BTN3A1: variants seen among roughly 807,000 people sequenced by gnomAD.
The protein encoded by BTN3A1 is dJ45P21.3 (butyrophilin, subfamily 3, member A1).
A neutral mutation model predicts 43.0 loss-of-function variants in BTN3A1; 24 were observed. The ratio of observed to expected loss-of-function variants is 0.56; its 90% CI spans 0.40 to 0.78. The LOEUF (loss-of-function observed/expected upper bound fraction) is 0.78, where lower values mean the gene tolerates loss of function less well. Among genes scored for constraint, BTN3A1 ranks in the 30% least tolerant of loss-of-function variants. BTN3A1 has a pLI of 0.00. For missense variants in BTN3A1, 533 were observed against 626.2 expected, an observed-to-expected ratio of 0.85 and a Z score of 1.59; for synonymous variants, 181 against 234.7, an observed-to-expected ratio of 0.77 and a Z score of 2.09.
chr6:26,407,619 C>G, intron 3 of BTN3A1, 52 bp from the exon 4 acceptor site: 1 of 1,575,296 alleles, frequency 6.3e-7, no homozygotes, highest in Non-Finnish European at 8.7e-7. Context: ...CCTTTTGAGA[C>G]CCTCTCTGAT....
Position 26,410,007 on chromosome 6 carries a change from A to G in BTN3A1, c.939A>G (p.Arg313=). ...STRVKLLEEL[R]WRSIQYASRG... is the part of the protein sequence containing the mutation. ...CTTCCCCTGTTCCTTCCGTTGCAGG[A>G]TGGAGAAGTATCCAGTATGCATCTC... Residue 313 remains arginine (R), a splice_region_variant and synonymous_variant, in exon 7 of 10, where the codon AGA becomes AGG. Transcript: ENST00000289361. 6.2e-7 allele frequency: 1 copy of G among 1,614,102 alleles called. No homozygotes were observed. The highest frequency in any genetic ancestry group is 8.5e-7 in the Non-Finnish European group (1 of 1,180,008).
At chr6:26,412,014 A>G (rs773110819) in intron 9 of BTN3A1, 10 of 218,046 alleles carry the variant, frequency 4.6e-5, no homozygotes, top group Non-Finnish European at 9.0e-5. Context: ...TTTGGCCTCC[A>G]CATATTTAGG....
intron 9 of BTN3A1, chr6:26,412,066 T>G: frequency 4.2e-6 from 1 of 237,766 alleles, no homozygotes; most frequent in South Asian, 9.8e-5. Flanking sequence ...AGGTGAAGAC[T>G]GAAGGAATAA....
chr6:26,407,115 A>T (rs1164435355), intron 3 of BTN3A1, among the ~76,000 whole-genome samples: 2 of 152,194 alleles, frequency 1.3e-5, no homozygotes, highest in Non-Finnish European at 1.5e-5. Flanking sequence ...ACAAAGTGCC[A>T]TCATCTGATG....
chr6:26,411,000 T>TAAAAAAAAAAAAAAAAAAAAA (rs1170183887), intron 7 of BTN3A1, 109 bp from the exon 8 acceptor site: 10 of 359,642 alleles, frequency 2.8e-5, no homozygotes, highest in African/African-American at 9.5e-5. Flanking sequence ...ATACAGGTGG[T>TAAAAAAAAAAAAAAAAAAAAA]AAAAAAAAAA....
rs1440877498 is a variant in BTN3A1, at chr6:26,414,773, A to G, written c.*1081A>G. On this transcript the variant is annotated 3_prime_UTR_variant, in exon 10 of 10. Transcript: ENST00000289361. Reference sequence around the variant, plus strand: ...GCGATCTCAGCTCCCTGCAACCTCCACCTCCTGGGTTCAAACAATTCTCCT... The same window carrying G: ...GCGATCTCAGCTCCCTGCAACCTCCGCCTCCTGGGTTCAAACAATTCTCCT... 1 of 150,714 alleles carries G rather than the reference A, an allele frequency of 6.6e-6. No homozygotes were observed. Among genetic ancestry groups the G allele is most frequent in the Non-Finnish European group, 1.5e-5 (1 of 67,864 alleles). 9.3% of individuals were successfully genotyped at this position (150,714 alleles called of 1,614,324 possible).
In BTN3A1 at chr6:26,407,861, G is replaced by A; in HGVS notation, c.624G>A (p.Val208=). The A allele has an allele frequency of 1.2e-6, 2 of 1,614,232 alleles. No individual in the cohort carries two copies. The highest frequency in any genetic ancestry group is 1.7e-6 in the Non-Finnish European group (2 of 1,180,044). ...GCCTGTATGCAGTAGCAGCATCTGT[G>A]ATCATGAGAGGCAGCTCTGGGGAGG... ...GVGLYAVAAS[V]IMRGSSGEGV... is the part of the protein sequence containing the mutation. Residue 208 remains valine (V), a synonymous_variant, in exon 4 of 10, where the codon GTG becomes GTA. Coordinates refer to ENST00000289361, the MANE Select transcript of BTN3A1 (RefSeq NM_007048.6).
chr6:26,409,644 A>T lies in BTN3A1; in HGVS notation c.827A>T (p.Glu276Val). The T allele has an allele frequency of 6.2e-7, 1 of 1,603,310 alleles. No individual in the cohort carries two copies. Among genetic ancestry groups the T allele is most frequent in the Non-Finnish European group, 8.5e-7 (1 of 1,177,066 alleles). ...AGYFLWQQQE[E>V]KKTQFRKKKR... ...TACTTCCTGTGGCAACAGCAGGAGG[A>T]AAAAAAGACTCAGTTCAGAAAGAAA... Residue 276 changes from glutamate to valine, a missense_variant, in exon 5 of 10, where the codon GAA (glutamate) becomes GTA (valine). By Grantham distance (121) the Glu-to-Val change is moderately radical. This residue lies in a region of BTN3A1 where 415 missense variants were observed against 427.0 expected (regional missense o/e 0.97). Transcript: ENST00000289361.
chr6:26,414,467 G>A lies in BTN3A1; in HGVS notation c.*775G>A, dbSNP rs958354573. On this transcript the variant is annotated 3_prime_UTR_variant, in exon 10 of 10. Coordinates refer to ENST00000289361, the MANE Select transcript of BTN3A1 (RefSeq NM_007048.6). ...GCTCTGCAGAGTGTCTTGGTTGAGA[G>A]AATAACCTCACCGTACCCACATGAC... 3.9e-5 allele frequency: 6 copies of A among 152,376 alleles called. No homozygotes were observed. Among genetic ancestry groups the A allele is most frequent in the African/African-American group, 1.4e-4 (6 of 41,432 alleles). 9.4% of individuals were successfully genotyped at this position (152,376 alleles called of 1,614,324 possible).
intron 3 of BTN3A1, 21 bp from the exon 4 acceptor site, chr6:26,407,650 G>A: frequency 2.5e-6 from 4 of 1,610,960 alleles, no homozygotes; most frequent in Non-Finnish European, 3.4e-6. Flanking sequence ...CAAGAATTTA[G>A]GCTAATTCAT....
chr6:26,408,062 C>T, intron 4 of BTN3A1, 110 bp downstream of exon 4: 2 of 1,514,560 alleles, frequency 1.3e-6, no homozygotes, highest in Admixed American at 2.0e-5. Context: ...AATATAAGGC[C>T]CAAAGCACAG....
intron 9 of BTN3A1, chr6:26,411,822 G>A: frequency 2.0e-6 from 1 of 505,520 alleles, no homozygotes. Context: ...TTCCTGGGAA[G>A]GAAGACATAT....
At chr6:26,406,968 T>C (rs144825718) in intron 3 of BTN3A1, among the ~76,000 whole-genome samples, 3 of 152,300 alleles carry the variant, frequency 2.0e-5, no homozygotes, top group African/African-American at 7.2e-5. Flanking sequence ...AAAGCTGTAA[T>C]TGATGAAGGG....
Position 26,405,422 on chromosome 6 carries a change from T to C in BTN3A1, c.-142T>C. 1 of 725,022 alleles carries C rather than the reference T, an allele frequency of 1.4e-6. No individual in the cohort carries two copies. The highest frequency in any genetic ancestry group is 2.4e-6 in the Non-Finnish European group (1 of 423,744). 44.9% of individuals were successfully genotyped at this position (725,022 alleles called of 1,614,324 possible). ...GGTGAAGACACTGAAGGACAGAATT[T>C]TTGGCAGAGGAAAGATCTTCTTCGG... On this transcript the variant is annotated 5_prime_UTR_variant, in exon 2 of 10. Coordinates refer to ENST00000289361, the MANE Select transcript of BTN3A1 (RefSeq NM_007048.6).
In BTN3A1 at chr6:26,413,774, A is replaced by C; in HGVS notation, c.*82A>C. 1.9e-6 allele frequency: 3 copies of C among 1,602,644 alleles called. No individual in the cohort carries two copies. The highest frequency in any genetic ancestry group is 2.7e-5 in the African/African-American group (2 of 75,030). ...CCAGTAACCCCGGGCTTAGCTAACG[A>C]AAGTGGGGAGCCTCAGGCTGAAGTA... On this transcript the variant is annotated 3_prime_UTR_variant, in exon 10 of 10. Transcript: ENST00000289361.
In BTN3A1 at chr6:26,413,224, C is replaced by G; in HGVS notation, c.1074C>G (p.Asp358Glu). ...TANPILLVSE[D>E]QRSVQRAKEP... ...ACCCCATCCTCCTTGTTTCTGAGGA[C>G]CAGAGGAGTGTGCAGCGTGCCAAGG... Residue 358 changes from aspartate to glutamate, a missense_variant, in exon 10 of 10, where the codon GAC (aspartate) becomes GAG (glutamate). Coordinates refer to ENST00000289361, the MANE Select transcript of BTN3A1 (RefSeq NM_007048.6). 1 of 1,614,152 alleles carries G rather than the reference C, an allele frequency of 6.2e-7. No homozygotes were observed. Among genetic ancestry groups the G allele is most frequent in the Non-Finnish European group, 8.5e-7 (1 of 1,180,020 alleles).
intron 3 of BTN3A1, 130 bp from the exon 4 acceptor site, chr6:26,407,541 C>A (rs565454100): frequency 9.8e-5 from 118 of 1,199,348 alleles, no homozygotes; most frequent in Admixed American, 1.2e-4. Context: ...CTCACTAGGA[C>A]CACACTTTTG....
In BTN3A1 at chr6:26,410,007, A is replaced by C; in HGVS notation, c.939A>C (p.Arg313Ser). 6.2e-7 allele frequency: 1 copy of C among 1,614,102 alleles called. No individual in the cohort carries two copies. The highest frequency in any genetic ancestry group is 8.5e-7 in the Non-Finnish European group (1 of 1,180,008). Residue 313 changes from arginine (R) to serine (S), a missense_variant and splice_region_variant, in exon 7 of 10, where the codon AGA becomes AGC. Arg to Ser is a moderately radical substitution (Grantham distance 110). Transcript: ENST00000289361. ...STRVKLLEEL[R>S]WRSIQYASRG... Reference sequence around the variant, plus strand: ...CTTCCCCTGTTCCTTCCGTTGCAGGATGGAGAAGTATCCAGTATGCATCTC... The same window carrying C: ...CTTCCCCTGTTCCTTCCGTTGCAGGCTGGAGAAGTATCCAGTATGCATCTC...
intron 4 of BTN3A1, among the ~76,000 whole-genome samples, chr6:26,408,429 G>A (rs1161272566): frequency 6.6e-6 from 1 of 152,104 alleles, no homozygotes; most frequent in African/African-American, 2.4e-5. Flanking sequence ...TTTCACTTAT[G>A]GTATTGGCAA....
Sources: gnomAD v4.1 joint callset for allele counts (sites outside exome capture counted in the v4.1 genomes callset) on GRCh38, gnomAD v4.1.1 for gene constraint, gnomAD v4.1.1 regional missense constraint, MANE v1.5 for transcripts, NCBI Gene and HGNC (gene_info 2026-07-23, HGNC 2026-07-21) for gene names.